The following FERMT2 variants were observed in gnomAD, a reference collection of about 807,000 sequenced individuals.
FERMT2 encodes the protein FERM domain containing kindlin 2.
Under a neutral mutation model 82.7 loss-of-function variants are expected in FERMT2, and 15 were observed. The ratio of observed to expected loss-of-function variants is 0.18; its 90% confidence interval spans 0.12 to 0.28. The LOEUF is 0.28. Ranked by LOEUF, FERMT2 falls within the 10% of genes least tolerant of loss-of-function variation. The pLI is 1.00. For synonymous variants in FERMT2, 274 were observed against 271.5 expected, an observed-to-expected ratio of 1.01 and a Z score of -0.09; for missense variants, 645 against 809.4, an observed-to-expected ratio of 0.80 and a Z score of 2.46.
intron 6 of FERMT2, among the ~76,000 whole-genome samples, chr14:52,880,418 A>AGATG (rs1355477828): frequency 6.6e-6 from 1 of 152,042 alleles, no homozygotes; most frequent in African/African-American, 2.4e-5. Flanking sequence ...TGTTTGTTTG[A>AGATG]GATGGAGTCT....
intron 3 of FERMT2, among the ~76,000 whole-genome samples, chr14:52,899,577 T>C (rs550328872): frequency 6.6e-6 from 1 of 152,272 alleles, no homozygotes; most frequent in East Asian, 1.9e-4. Flanking sequence ...CCACTGCACC[T>C]AGCCTCCAGC....
intron 2 of FERMT2, among the ~76,000 whole-genome samples, chr14:52,936,078 G>A (rs145950559): frequency 5.3e-5 from 8 of 152,194 alleles, no homozygotes; most frequent in East Asian, 3.9e-4. Flanking sequence ...GACAGGGCTC[G>A]GAGTCCATGC....
intron 2 of FERMT2, among the ~76,000 whole-genome samples, chr14:52,923,385 A>G (rs1410965923): frequency 6.6e-6 from 1 of 152,182 alleles, no homozygotes; most frequent in Non-Finnish European, 1.5e-5. Flanking sequence ...CAAAAGCCCA[A>G]AATACCTACT....
chr14:52,864,294 T>C (rs759146052), intron 12 of FERMT2, 107 bp downstream of exon 12: 3 of 719,814 alleles, frequency 4.2e-6, no homozygotes, highest in Non-Finnish European at 7.1e-6. Flanking sequence ...AACCATCTGA[T>C]ACAAAATTAA....
intron 3 of FERMT2, among the ~76,000 whole-genome samples, chr14:52,917,104 G>C (rs914775007): frequency 4.6e-5 from 7 of 152,148 alleles, no homozygotes; most frequent in Non-Finnish European, 7.3e-5. Flanking sequence ...CAATTTGACA[G>C]TACTCTGAAA....
chr14:52,897,553 C>T (rs4901305), intron 3 of FERMT2, among the ~76,000 whole-genome samples: 117,909 of 152,150 alleles, frequency 0.77, 48,055 homozygotes, highest in Non-Finnish European at 0.89. Context: ...GCAAACCACA[C>T]TGGACTTTCT....
intron 2 of FERMT2, among the ~76,000 whole-genome samples, chr14:52,927,530 TG>T (rs1889341700): frequency 8.1e-6 from 1 of 122,842 alleles, no homozygotes; most frequent in Non-Finnish European, 1.6e-5. Flanking sequence ...TTGAGGTGGG[TG>T]GGTGGCTTGA....
intron 2 of FERMT2, among the ~76,000 whole-genome samples, chr14:52,937,981 C>T (rs1353429570): frequency 2.0e-5 from 3 of 152,174 alleles, no homozygotes; most frequent in Non-Finnish European, 4.4e-5. Flanking sequence ...GTGCTTTACA[C>T]ATGTGTCTGC....
rs777138276 is a variant in FERMT2 at position 52,858,121 on chromosome 14, C to T, written c.*256G>A. The T allele has an allele frequency of 2.1e-5, 9 of 426,580 alleles. No homozygotes were observed. Among genetic ancestry groups the T allele is most frequent in the African/African-American group, 1.4e-4 (7 of 50,682 alleles). The allele number at this position is 426,580 out of a possible 1,614,324, so 26.4% of individuals were successfully genotyped here. On this transcript the variant is annotated 3_prime_UTR_variant, in exon 15 of 15. Coordinates refer to ENST00000341590, the MANE Select transcript of FERMT2 (RefSeq NM_006832.3). Reference sequence around the variant, plus strand: ...ATCAGTAAATCAGTGATGGTTTGTTCCTGATTTGCCCACTATTTCAGTTTT... The same window carrying T: ...ATCAGTAAATCAGTGATGGTTTGTTTCTGATTTGCCCACTATTTCAGTTTT...
At chr14:52,949,910 C>A (rs933974273) in intron 2 of FERMT2, among the ~76,000 whole-genome samples, 1 of 152,270 alleles carries the variant, frequency 6.6e-6, no homozygotes, top group South Asian at 2.1e-4. Flanking sequence ...ATGCACTCCA[C>A]CACGTAGAAC....
At chr14:52,928,738 T>TG (rs1176547443) in intron 2 of FERMT2, among the ~76,000 whole-genome samples, 1 of 152,156 alleles carries the variant, frequency 6.6e-6, no homozygotes, top group African/African-American at 2.4e-5. Flanking sequence ...CAACCATGGA[T>TG]TCTACTGCAG....
intron 2 of FERMT2, among the ~76,000 whole-genome samples, chr14:52,948,199 T>C (rs1016443990): frequency 2.0e-5 from 3 of 152,232 alleles, no homozygotes; most frequent in Admixed American, 1.3e-4. Context: ...TGTTGGCAAG[T>C]AGTCATCCAG....
At chr14:52,863,942 T>C (rs1460826150) in intron 12 of FERMT2, among the ~76,000 whole-genome samples, 1 of 152,226 alleles carries the variant, frequency 6.6e-6, no homozygotes, top group Non-Finnish European at 1.5e-5. Context: ...TTTCTGCAAT[T>C]TGTTTAGAGT....
At chr14:52,909,031 C>T (rs1425990361) in intron 3 of FERMT2, among the ~76,000 whole-genome samples, 1 of 152,044 alleles carries the variant, frequency 6.6e-6, no homozygotes, top group East Asian at 1.9e-4. Context: ...GTCTCCCTTG[C>T]AGCTAAGGGC....
intron 2 of FERMT2, among the ~76,000 whole-genome samples, chr14:52,938,530 G>C (rs1259961128): frequency 1.3e-5 from 2 of 152,070 alleles, no homozygotes; most frequent in Non-Finnish European, 2.9e-5. Flanking sequence ...CAATAAGTTG[G>C]CCACATCTTA....
At chr14:52,870,062 C>T (rs572418586) in intron 10 of FERMT2, among the ~76,000 whole-genome samples, 1 of 152,122 alleles carries the variant, frequency 6.6e-6, no homozygotes, top group South Asian at 2.1e-4. Flanking sequence ...AGAAAAGGGT[C>T]AAGATGTTAA....
At chr14:52,861,292 T>G (rs1266900292) in intron 12 of FERMT2, 1 of 446,296 alleles carries the variant, frequency 2.2e-6, no homozygotes, top group South Asian at 3.5e-5. Context: ...TGTTAAATGT[T>G]GCTAAAGAAC....
chr14:52,917,280 G>A (rs1888668215), intron 3 of FERMT2, among the ~76,000 whole-genome samples: 1 of 152,072 alleles, frequency 6.6e-6, no homozygotes, highest in Non-Finnish European at 1.5e-5. Context: ...ACGTGTGTGT[G>A]TGTGTGTGTG....
At chr14:52,875,718 A>G (rs971499020) in intron 7 of FERMT2, among the ~76,000 whole-genome samples, 48 of 152,164 alleles carry the variant, frequency 3.2e-4, no homozygotes, top group African/African-American at 1.2e-3. Flanking sequence ...ATCAAGAAAT[A>G]TTGAATGAAC....
Sources: allele counts gnomAD v4.1 joint callset (sites outside exome capture counted in the v4.1 genomes callset), GRCh38; gene constraint gnomAD v4.1.1; transcripts MANE v1.5; gene names NCBI Gene and HGNC (gene_info 2026-07-23, HGNC 2026-07-21).